The following SRGAP3 variants were observed in gnomAD, a reference collection of about 807,000 sequenced individuals.
SRGAP3 encodes the protein SLIT-ROBO Rho GTPase activating protein 3.
A neutral mutation model predicts 121.1 loss-of-function variants in SRGAP3; 39 were observed. The ratio of observed to expected loss-of-function variants is 0.32; its 90% CI spans 0.25 to 0.42. The LOEUF (loss-of-function observed/expected upper bound fraction) is 0.42. SRGAP3 is among the 10% of genes least tolerant of loss of function. The pLI is 1.00. For synonymous variants in SRGAP3, 601 were observed against 570.0 expected, an observed-to-expected ratio of 1.05 and a Z score of -0.77; for missense variants, 1,213 against 1,470.6, an observed-to-expected ratio of 0.82 and a Z score of 2.86.
At chr3:9,130,445 T>C (rs947571884) in intron 1 of SRGAP3, among the ~76,000 whole-genome samples, 3 of 152,264 alleles carry the variant, frequency 2.0e-5, no homozygotes, top group Middle Eastern at 3.4e-3. Context: ...CATAAAAATA[T>C]AACTATGCAG....
chr3:9,312,769 G>A (rs1198900905), intron 3 of SRGAP3, among the ~76,000 whole-genome samples: 5 of 152,132 alleles, frequency 3.3e-5, no homozygotes, highest in African/African-American at 1.2e-4. Context: ...GGGAATGCTG[G>A]AGGCTGGAAG....
At chr3:9,247,637 G>C (rs1574937006) in intron 1 of SRGAP3, among the ~76,000 whole-genome samples, 2 of 152,338 alleles carry the variant, frequency 1.3e-5, no homozygotes, top group South Asian at 4.1e-4. Context: ...CCCAGAAGCA[G>C]GTGTGGCAAC....
At chr3:9,299,372 A>AAAG (rs1559265928) in intron 3 of SRGAP3, among the ~76,000 whole-genome samples, 1 of 151,300 alleles carries the variant, frequency 6.6e-6, no homozygotes, top group African/African-American at 2.4e-5. Flanking sequence ...AAAAAAAAAA[A>AAAG]AAAAGAAAAG....
chr3:9,030,045 G>A (rs768716926), intron 12 of SRGAP3, among the ~76,000 whole-genome samples: 1 of 152,006 alleles, frequency 6.6e-6, no homozygotes. Flanking sequence ...CCAGCTACTC[G>A]GGAGGCTGAG....
At chr3:9,203,341 C>T (rs1372118953) in intron 1 of SRGAP3, among the ~76,000 whole-genome samples, 2 of 152,224 alleles carry the variant, frequency 1.3e-5, no homozygotes, top group African/African-American at 4.8e-5. Context: ...CCTGGGAAAC[C>T]ACTTAACCTC....
intron 1 of SRGAP3, among the ~76,000 whole-genome samples, chr3:9,228,311 A>G (rs1953065839): frequency 6.6e-6 from 1 of 152,170 alleles, no homozygotes; most frequent in Admixed American, 6.5e-5. Context: ...AGATCATGCA[A>G]TTTGCTTTTA....
At chr3:9,220,453 T>C (rs930064868) in intron 1 of SRGAP3, among the ~76,000 whole-genome samples, 4 of 152,202 alleles carry the variant, frequency 2.6e-5, no homozygotes, top group African/African-American at 9.6e-5. Flanking sequence ...GGTCCTCAGA[T>C]GTGCCTCTGC....
At chr3:9,335,893 G>C (rs1033084527) in intron 1 of SRGAP3, among the ~76,000 whole-genome samples, 2 of 151,994 alleles carry the variant, frequency 1.3e-5, no homozygotes, top group Non-Finnish European at 2.9e-5. Flanking sequence ...TCAGTCTCTT[G>C]CTTATCCAGC....
chr3:9,105,781 T>C (rs183610071), intron 2 of SRGAP3, among the ~76,000 whole-genome samples: 1 of 152,342 alleles, frequency 6.6e-6, no homozygotes, highest in Admixed American at 6.5e-5. Context: ...CTCAACTTAC[T>C]ACAGGGCTAC....
intron 1 of SRGAP3, among the ~76,000 whole-genome samples, chr3:9,148,118 A>G (rs192787181): frequency 3.3e-5 from 5 of 152,274 alleles, no homozygotes; most frequent in African/African-American, 9.6e-5. Flanking sequence ...CTCAGGGAGG[A>G]CAACGCTAAT....
intron 1 of SRGAP3, among the ~76,000 whole-genome samples, chr3:9,361,268 A>G (rs1437681725): frequency 6.6e-6 from 1 of 151,820 alleles, no homozygotes; most frequent in Non-Finnish European, 1.5e-5. Context: ...ATGCCTAGCT[A>G]ATTTTTGTCA....
intron 10 of SRGAP3, among the ~76,000 whole-genome samples, chr3:9,043,358 G>A (rs1052216850): frequency 6.6e-6 from 1 of 152,120 alleles, no homozygotes; most frequent in Non-Finnish European, 1.5e-5. Flanking sequence ...ACCGTTTGAG[G>A]TCTCTCTTTT....
intron 3 of SRGAP3, among the ~76,000 whole-genome samples, chr3:9,260,521 TA>T (rs1954232481): frequency 1.3e-5 from 2 of 152,154 alleles, no homozygotes; most frequent in African/African-American, 4.8e-5. Context: ...ATAATGTAAA[TA>T]AAGCCACTGG....
At chr3:9,095,610 G>T (rs1238767315) in intron 3 of SRGAP3, among the ~76,000 whole-genome samples, 1 of 152,144 alleles carries the variant, frequency 6.6e-6, no homozygotes, top group Non-Finnish European at 1.5e-5. Flanking sequence ...GATCTGTAAT[G>T]CACCACTGTC....
chr3:9,101,903 C>T (rs1346430896), intron 3 of SRGAP3, among the ~76,000 whole-genome samples: 1 of 129,622 alleles, frequency 7.7e-6, no homozygotes. Flanking sequence ...ATTTGAAGTG[C>T]TCCTCTAGTC....
At chr3:9,248,688 C>G (rs946655254) in intron 1 of SRGAP3, among the ~76,000 whole-genome samples, 197 bp downstream of exon 1, 1 of 152,154 alleles carries the variant, frequency 6.6e-6, no homozygotes. Context: ...AATCCACACT[C>G]CCAGCCCCAG....
intron 1 of SRGAP3, among the ~76,000 whole-genome samples, chr3:9,200,803 T>C (rs1341916015): frequency 1.3e-5 from 2 of 152,180 alleles, no homozygotes; most frequent in Non-Finnish European, 2.9e-5. Flanking sequence ...ACCATAGACG[T>C]ATTGAATCCC....
Position 9,045,371 on chromosome 3 carries a change from G to T in SRGAP3, c.1408+2020C>A, listed in dbSNP as rs541801344. Reference sequence around the variant, plus strand: ...CTTCTGAAAATGCATTTTCCGGGAGGTTTTTTTTTATTGCTAATCAGCTCA... The same window carrying T: ...CTTCTGAAAATGCATTTTCCGGGAGTTTTTTTTTTATTGCTAATCAGCTCA... On this transcript the variant is annotated intron_variant, in intron 10 of 21. Transcript: ENST00000383836. 1.1e-3 allele frequency among the ~76,000 whole-genome samples: 164 copies of T among 151,298 alleles called. 1 individual carries two copies. Among genetic ancestry groups the T allele is most frequent in the Middle Eastern group, 3.4e-3 (1 of 292 alleles).
intron 3 of SRGAP3, among the ~76,000 whole-genome samples, chr3:9,281,770 T>C (rs1310924808): frequency 6.6e-6 from 1 of 152,126 alleles, no homozygotes; most frequent in African/African-American, 2.4e-5. Flanking sequence ...CCATCCGGGT[T>C]CAAGCGATTC....
Sources: gnomAD v4.1 joint callset for allele counts (sites outside exome capture counted in the v4.1 genomes callset) on GRCh38, gnomAD v4.1.1 for gene constraint, MANE v1.5 for transcripts, NCBI Gene and HGNC (gene_info 2026-07-23, HGNC 2026-07-21) for gene names.